PRKD1: variants seen among roughly 807,000 people sequenced by gnomAD.
PRKD1 encodes the protein protein kinase D1.
A neutral mutation model predicts 95.9 loss-of-function variants in PRKD1; 63 were observed. That is an observed-to-expected ratio of 0.66 (90% CI 0.54 to 0.81). PRKD1 has a LOEUF of 0.81. Ranked by LOEUF, PRKD1 falls within the 30% of genes least tolerant of loss-of-function variation. PRKD1 has a pLI of 0.00. For synonymous variants in PRKD1, 425 were observed against 423.1 expected (o/e 1.00, Z -0.05); for missense variants, 1,048 against 1,165.3 (o/e 0.90, Z 1.47).
chr14:29,706,761 T>C (rs1885111696), intron 2 of PRKD1, among the ~76,000 whole-genome samples: 1 of 152,136 alleles, frequency 6.6e-6, no homozygotes, highest in Admixed American at 6.6e-5. Flanking sequence ...ACAGAGTATC[T>C]TCTACTTTAA....
At chr14:29,588,647 A>C (rs1398989093) in intron 16 of PRKD1, among the ~76,000 whole-genome samples, 1 of 152,174 alleles carries the variant, frequency 6.6e-6, no homozygotes, top group Non-Finnish European at 1.5e-5. Flanking sequence ...TTGCCAGGGC[A>C]CACAAGTGGA....
chr14:29,862,838 C>T (rs1566642629), intron 1 of PRKD1, among the ~76,000 whole-genome samples: 1 of 151,782 alleles, frequency 6.6e-6, no homozygotes, highest in African/African-American at 2.4e-5. Flanking sequence ...TTATTTTTTC[C>T]TTTGCTGTGC....
At chr14:29,819,225 G>T (rs1389854932) in intron 1 of PRKD1, among the ~76,000 whole-genome samples, 1 of 152,096 alleles carries the variant, frequency 6.6e-6, no homozygotes, top group Admixed American at 6.6e-5. Flanking sequence ...CTTTATCAAT[G>T]ACAAATTTAT....
chr14:29,865,155 T>C (rs1892846335), intron 1 of PRKD1, among the ~76,000 whole-genome samples: 1 of 152,200 alleles, frequency 6.6e-6, no homozygotes, highest in South Asian at 2.1e-4. Flanking sequence ...AATGGACTCA[T>C]GTGCCAAAGA....
At position 29,672,561 on chromosome 14, in the gene PRKD1, A is replaced by T. The variant is rs1259500590; in HGVS notation, c.404-6353T>A. Among the ~76,000 whole-genome samples the T allele has an allele frequency of 5.3e-5, 8 of 152,182 alleles. 1 individual carries two copies. Among genetic ancestry groups the T allele is most frequent in the African/African-American group, 1.7e-4 (7 of 41,552 alleles). On this transcript the variant is annotated intron_variant, in intron 2 of 17. Transcript: ENST00000331968. ...TCTGGTGACAAGATGACTTAGAAAC[A>T]AGAGGTCATAAATCTGCAGTGATGG... is the stretch of plus-strand genomic sequence containing the variant.
At chr14:29,808,002 G>A (rs930495920) in intron 1 of PRKD1, among the ~76,000 whole-genome samples, 1 of 152,060 alleles carries the variant, frequency 6.6e-6, no homozygotes, top group African/African-American at 2.4e-5. Context: ...AGTTACAGGA[G>A]TGAGCCACCG....
chr14:29,913,208 A>G (rs1325693753), intron 1 of PRKD1, among the ~76,000 whole-genome samples: 1 of 152,210 alleles, frequency 6.6e-6, no homozygotes, highest in Non-Finnish European at 1.5e-5. Context: ...CATTTAGAAG[A>G]GTTACCAAAA....
chr14:29,896,344 G>A (rs1566660006), intron 1 of PRKD1, among the ~76,000 whole-genome samples: 1 of 147,132 alleles, frequency 6.8e-6, no homozygotes. Context: ...GGTTTTTAAG[G>A]TTTCTACAGG....
chr14:29,584,910 T>C (rs1892865729), intron 16 of PRKD1, among the ~76,000 whole-genome samples: 2 of 152,190 alleles, frequency 1.3e-5, no homozygotes, highest in Admixed American at 6.5e-5. Context: ...ATCTCTTTTG[T>C]CAAGACACAG....
At chr14:29,795,908 G>A (rs1288626960) in intron 1 of PRKD1, among the ~76,000 whole-genome samples, 1 of 152,096 alleles carries the variant, frequency 6.6e-6, no homozygotes, top group Non-Finnish European at 1.5e-5. Flanking sequence ...AGTTTACAAA[G>A]GAAGGTAAGC....
chr14:29,659,406 A>G (rs1882069780), intron 4 of PRKD1, among the ~76,000 whole-genome samples: 1 of 152,184 alleles, frequency 6.6e-6, no homozygotes, highest in South Asian at 2.1e-4. Context: ...TTTAGCTATT[A>G]TGCATAAAGA....
chr14:29,897,455 C>A (rs1894173954), intron 1 of PRKD1, among the ~76,000 whole-genome samples: 1 of 152,140 alleles, frequency 6.6e-6, no homozygotes, highest in Non-Finnish European at 1.5e-5. Flanking sequence ...CTGCAATGAT[C>A]TGTTTTGTAG....
At chr14:29,863,047 T>C (rs2139362531) in intron 1 of PRKD1, among the ~76,000 whole-genome samples, 1 of 152,336 alleles carries the variant, frequency 6.6e-6, no homozygotes, top group Admixed American at 6.5e-5. Context: ...TCTGAATTAT[T>C]TTGCCACTCT....
intron 1 of PRKD1, among the ~76,000 whole-genome samples, chr14:29,858,021 T>C (rs1892570996): frequency 6.6e-6 from 1 of 152,190 alleles, no homozygotes; most frequent in South Asian, 2.1e-4. Flanking sequence ...ACTTTAGTTG[T>C]TTAACTTTTT....
chr14:29,651,617 CTTCTCA>C lies in PRKD1; in HGVS notation c.696+12076_696+12081del, dbSNP rs1469783571. Reference sequence around the variant, plus strand: ...TTCCAATCTTCTACTCTCCTCTCTCCTTCTCATTATTATTTCTTCTATAGAAATCTT... The same window carrying C: ...TTCCAATCTTCTACTCTCCTCTCTCCTTATTATTTCTTCTATAGAAATCTT... On this transcript the variant is annotated intron_variant, in intron 4 of 17. Transcript: ENST00000331968. Among the ~76,000 whole-genome samples, 4 of 147,224 alleles carry C rather than the reference CTTCTCA, an allele frequency of 2.7e-5. No homozygotes were observed. The East Asian group carries it at 7.7e-4, about 28-fold the overall frequency.
intron 9 of PRKD1, among the ~76,000 whole-genome samples, chr14:29,632,411 T>C (rs1019900096): frequency 3.9e-5 from 6 of 152,002 alleles, no homozygotes; most frequent in Non-Finnish European, 7.4e-5. Flanking sequence ...AGGGACAGAA[T>C]AAAAATTGCT....
intron 2 of PRKD1, among the ~76,000 whole-genome samples, chr14:29,683,874 T>C (rs185873500): frequency 3.9e-5 from 6 of 152,358 alleles, no homozygotes; most frequent in Non-Finnish European, 8.8e-5. Context: ...AATCTAAGGC[T>C]TTTGGAATTT....
intron 1 of PRKD1, among the ~76,000 whole-genome samples, chr14:29,739,640 T>A (rs1886895435): frequency 6.6e-6 from 1 of 152,204 alleles, no homozygotes; most frequent in African/African-American, 2.4e-5. Flanking sequence ...TCCTACAAGA[T>A]ATAGAAATAC....
At chr14:29,748,659 C>G (rs1887340308) in intron 1 of PRKD1, among the ~76,000 whole-genome samples, 1 of 152,198 alleles carries the variant, frequency 6.6e-6, no homozygotes, top group Admixed American at 6.5e-5. Flanking sequence ...GGGATCTTGT[C>G]TACAACATTC....
Sources: gnomAD v4.1 joint callset for allele counts (sites outside exome capture counted in the v4.1 genomes callset) on GRCh38, gnomAD v4.1.1 for gene constraint, MANE v1.5 for transcripts, NCBI Gene and HGNC (gene_info 2026-07-23, HGNC 2026-07-21) for gene names.